Variants in RMDN2 observed in about 807,000 individuals in gnomAD.
RMDN2 encodes regulator of microtubule dynamics 2.
A neutral mutation model predicts 52.8 loss-of-function variants in RMDN2; 61 were observed. The ratio of observed to expected loss-of-function variants is 1.16; its 90% CI spans 0.94 to 1.43. RMDN2 has a LOEUF of 1.43. RMDN2 is among the 40% of genes most tolerant of loss of function. The pLI, the probability that RMDN2 is intolerant of heterozygous loss-of-function variation, is 0.00. For synonymous variants in RMDN2, 180 were observed against 153.1 expected (o/e 1.18, Z -1.30); for missense variants, 592 against 475.3 (o/e 1.25, Z -2.28).
At chr2:37,944,773 A>G (rs578232517) in intron 2 of RMDN2, among the ~76,000 whole-genome samples, 2 of 152,316 alleles carry the variant, frequency 1.3e-5, no homozygotes, top group African/African-American at 4.8e-5. Flanking sequence ...GAGGTTGTGT[A>G]ATTAAGAAGG....
rs1344839695 is a variant in RMDN2 at position 38,015,579 on chromosome 2, GA to G, written c.1180-1599del. Reference sequence around the variant, plus strand: ...ACTCCGTCTCAAAAAAAAAAAAAAAGAAAAAAAAGGAAATGTTGACCTTTAA... The same window carrying G: ...ACTCCGTCTCAAAAAAAAAAAAAAAGAAAAAAAGGAAATGTTGACCTTTAA... On this transcript the variant is annotated intron_variant, in intron 10 of 10. Coordinates refer to ENST00000354545, the MANE Select transcript of RMDN2 (RefSeq NM_001170791.3). Among the ~76,000 whole-genome samples the G allele has an allele frequency of 5.6e-5, 8 of 142,170 alleles. No homozygotes were observed. The South Asian group carries it at 1.3e-3, about 24-fold the overall frequency. 93.3% of individuals were successfully genotyped at this position (142,170 alleles called of 152,430 possible).
chr2:37,926,719 T>G (rs1336644624), intron 1 of RMDN2, among the ~76,000 whole-genome samples: 1 of 152,236 alleles, frequency 6.6e-6, no homozygotes, highest in Non-Finnish European at 1.5e-5. Flanking sequence ...GCAGGATTGC[T>G]TGGGCCCAGG....
intron 2 of RMDN2, among the ~76,000 whole-genome samples, chr2:37,933,002 G>A (rs908955689): frequency 3.3e-5 from 5 of 149,988 alleles, no homozygotes; most frequent in African/African-American, 1.2e-4. Flanking sequence ...GGGTGGAGGG[G>A]CTCCTCACTT....
At chr2:38,045,742 G>C (rs1196451850) in intron 10 of RMDN2, among the ~76,000 whole-genome samples, 2 of 152,128 alleles carry the variant, frequency 1.3e-5, no homozygotes, top group Admixed American at 6.5e-5. Context: ...AGCTCTCCCC[G>C]CCCTTCTCCC....
At chr2:37,957,216 C>T (rs1049472867) in intron 2 of RMDN2, among the ~76,000 whole-genome samples, 3 of 152,126 alleles carry the variant, frequency 2.0e-5, no homozygotes, top group African/African-American at 7.2e-5. Flanking sequence ...GTTCTAGATC[C>T]TTGAGGAATT....
At chr2:37,952,943 CTG>C (rs1490653361) in intron 2 of RMDN2, 1 of 151,680 alleles carries the variant, frequency 6.6e-6, no homozygotes, top group Non-Finnish European at 1.5e-5. Flanking sequence ...TTAACAAAGA[CTG>C]TTATAAAGTA....
At chr2:37,922,745 C>T (rs112252520), upstream of RMDN2, among the ~76,000 whole-genome samples, 7 of 152,306 alleles carry the variant, frequency 4.6e-5, no homozygotes, top group African/African-American at 1.7e-4. Context: ...TGGATGAATA[C>T]TTCTTATGGG....
intron 5 of RMDN2, among the ~76,000 whole-genome samples, chr2:37,987,825 G>A (rs373482282): frequency 8.5e-5 from 13 of 152,214 alleles, no homozygotes; most frequent in South Asian, 8.3e-4. Context: ...TTGGGAGGTC[G>A]AGGTGGGCAG....
chr2:37,923,280 T>C (rs769730237), upstream of RMDN2: 1 of 152,216 alleles, frequency 6.6e-6, no homozygotes, highest in Non-Finnish European at 1.5e-5. Flanking sequence ...AACAAATGTA[T>C]TGGAAAGGAG....
intron 7 of RMDN2, among the ~76,000 whole-genome samples, chr2:37,995,969 A>C (rs1423595308): frequency 6.6e-6 from 1 of 152,216 alleles, no homozygotes; most frequent in Non-Finnish European, 1.5e-5. Flanking sequence ...TGGAAACATA[A>C]ATCAGCGCGA....
At chr2:37,971,466 C>G (rs1671798999) in intron 2 of RMDN2, among the ~76,000 whole-genome samples, 1 of 152,110 alleles carries the variant, frequency 6.6e-6, no homozygotes, top group Admixed American at 6.5e-5. Flanking sequence ...ACCCCAAGGA[C>G]TAAAATATAT....
chr2:37,932,780 T>C (rs1572683789), intron 2 of RMDN2, among the ~76,000 whole-genome samples: 1 of 128,620 alleles, frequency 7.8e-6, no homozygotes, highest in African/African-American at 3.0e-5. Context: ...GAGGCGCCCC[T>C]CACCTCCCGG....
chr2:38,029,431 A>G (rs1680017014), intron 10 of RMDN2: 1 of 151,992 alleles, frequency 6.6e-6, no homozygotes, highest in Non-Finnish European at 1.5e-5. Context: ...GCCCTGGAGC[A>G]TTTTTTTGCA....
intron 1 of RMDN2, among the ~76,000 whole-genome samples, chr2:37,927,955 A>G (rs955649756): frequency 2.6e-5 from 4 of 152,210 alleles, no homozygotes; most frequent in Admixed American, 6.5e-5. Context: ...TATACCAATT[A>G]GGTGAAAAAA....
At chr2:37,947,071 G>A (rs1459549788) in intron 2 of RMDN2, among the ~76,000 whole-genome samples, 2 of 151,936 alleles carry the variant, frequency 1.3e-5, no homozygotes, top group South Asian at 4.2e-4. Context: ...TTTGATTTTT[G>A]TAGATTTAGA....
intron 5 of RMDN2, among the ~76,000 whole-genome samples, chr2:37,983,905 A>G (rs1393428597): frequency 6.6e-6 from 1 of 152,174 alleles, no homozygotes; most frequent in Non-Finnish European, 1.5e-5. Flanking sequence ...ATAAAGTTTT[A>G]TTGGATCACA....
At chr2:38,064,187 T>C (rs1028150164) in intron 10 of RMDN2, among the ~76,000 whole-genome samples, 1 of 152,146 alleles carries the variant, frequency 6.6e-6, no homozygotes, top group Non-Finnish European at 1.5e-5. Context: ...TAAGCTCAAT[T>C]TGTAAGCAAA....
rs1445374335 is a variant in RMDN2, at chr2:37,933,724, A to AC, written c.452+3997dup. ...TGCAGTGAGCCGAGATGGCAGCAGT[A>AC]CCATCCAGCTTCGGCTCGGCATCAG... On this transcript the variant is annotated intron_variant, in intron 2 of 10. Transcript: ENST00000354545. 1.1e-4 allele frequency among the ~76,000 whole-genome samples: 16 copies of AC among 152,334 alleles called. No homozygotes were observed. The South Asian group carries it at 2.9e-3, about 28-fold the overall frequency.
chr2:37,955,233 C>T (rs774127816), intron 2 of RMDN2, among the ~76,000 whole-genome samples: 14 of 152,058 alleles, frequency 9.2e-5, no homozygotes, highest in South Asian at 4.2e-4. Context: ...AGTACTATGT[C>T]GAACAGAAGT....
Sources: allele counts gnomAD v4.1 joint callset (sites outside exome capture counted in the v4.1 genomes callset), GRCh38; gene constraint gnomAD v4.1.1; transcripts MANE v1.5; gene names NCBI Gene and HGNC (gene_info 2026-07-23, HGNC 2026-07-21).